The following ZFHX4 variants were observed in gnomAD, a reference collection of about 807,000 sequenced individuals.
The protein encoded by ZFHX4 is zinc finger homeobox protein 4.
ZFHX4 carries 56 observed loss-of-function variants against 267.6 expected under a neutral mutation model. That is an observed-to-expected ratio of 0.21 (90% CI 0.17 to 0.26). The LOEUF (loss-of-function observed/expected upper bound fraction) is 0.26, where lower values mean the gene tolerates loss of function less well. ZFHX4 is among the 10% of genes least tolerant of loss of function. ZFHX4 has a pLI of 1.00. For missense variants in ZFHX4, 4,332 were observed against 4,420.0 expected (o/e 0.98, Z 0.56); for synonymous variants, 1,778 against 1,665.6 (o/e 1.07, Z -1.64).
At chr8:76,746,452 A>G (rs1809462735) in intron 3 of ZFHX4, among the ~76,000 whole-genome samples, 2 of 152,202 alleles carry the variant, frequency 1.3e-5, no homozygotes, top group Non-Finnish European at 2.9e-5. Context: ...TTTTGGTTTT[A>G]TGACAGAAAT....
chr8:76,694,638 CT>C (rs545964479), intron 1 of ZFHX4, among the ~76,000 whole-genome samples: 3,387 of 146,442 alleles, frequency 0.023, 154 homozygotes, highest in East Asian at 0.21. Context: ...TAATGTTAGT[CT>C]TTTTTTTTTC....
intron 4 of ZFHX4, among the ~76,000 whole-genome samples, chr8:76,817,362 C>G (rs1270370708): frequency 2.0e-5 from 3 of 152,040 alleles, no homozygotes; most frequent in Non-Finnish European, 4.4e-5. Flanking sequence ...TGATATTGAT[C>G]CTTTGAAGAT....
In ZFHX4 at chr8:76,819,106, T is replaced by G. The variant is rs537052667; in HGVS notation, c.3326-14232T>G. Among the ~76,000 whole-genome samples, 7 of 149,738 alleles carry G rather than the reference T, an allele frequency of 4.7e-5. No homozygotes were observed. In the South Asian group the frequency reaches 1.5e-3, roughly 32 times the overall value. Reference sequence around the variant, plus strand: ...TTTCAGACAAAATGCTTTAAACTAGTGTGGGAAGGGGAGGGGAAGTAATGT... The same window carrying G: ...TTTCAGACAAAATGCTTTAAACTAGGGTGGGAAGGGGAGGGGAAGTAATGT... On this transcript the variant is annotated intron_variant, in intron 4 of 10. Transcript: ENST00000651372.
At chr8:76,691,816 C>T (rs756348346) in intron 1 of ZFHX4, among the ~76,000 whole-genome samples, 7 of 151,968 alleles carry the variant, frequency 4.6e-5, no homozygotes, top group African/African-American at 7.2e-5. Context: ...ATAACTGATC[C>T]GTATGTTCCT....
At chr8:76,712,332 G>A (rs1585872620) in intron 3 of ZFHX4, among the ~76,000 whole-genome samples, 1 of 152,052 alleles carries the variant, frequency 6.6e-6, no homozygotes, top group South Asian at 2.1e-4. Context: ...GAGGCATATT[G>A]GGAACAGTAT....
chr8:76,717,532 G>T (rs1808608811), intron 3 of ZFHX4, among the ~76,000 whole-genome samples: 1 of 152,206 alleles, frequency 6.6e-6, no homozygotes, highest in South Asian at 2.1e-4. Context: ...TAACAGAATT[G>T]TTAACAGCAT....
At chr8:76,821,480 C>T (rs1448476338) in intron 4 of ZFHX4, among the ~76,000 whole-genome samples, 5 of 151,716 alleles carry the variant, frequency 3.3e-5, no homozygotes, top group East Asian at 1.9e-4. Flanking sequence ...GGCCTAACTA[C>T]GATAGCTAGC....
Position 76,681,670 on chromosome 8 carries a change from C to A in ZFHX4, c.-47+50C>A, listed in dbSNP as rs371610224. On this transcript the variant is annotated intron_variant, in intron 1 of 10. Transcript: ENST00000651372. ...TGAGTAGTTTCTGTTAAATTTAGGT[C>A]GAGTATCGATTATCTTTCCAGCCTG... 2.3e-4 allele frequency: 87 copies of A among 384,832 alleles called. No individual in the cohort carries two copies. The East Asian group carries it at 2.8e-3, about 12-fold the overall frequency. 23.8% of individuals were successfully genotyped at this position (384,832 alleles called of 1,614,324 possible). A position where few individuals can be genotyped will look rare whatever the true frequency, so the allele number is the denominator to read the frequency against.
intron 4 of ZFHX4, among the ~76,000 whole-genome samples, chr8:76,794,680 C>T (rs975288164): frequency 6.6e-5 from 10 of 151,992 alleles, no homozygotes; most frequent in African/African-American, 2.4e-4. Context: ...CTTTTTAGAA[C>T]CAAATTTCTA....
At chr8:76,719,149 CATGTGTGTGTGT>C in intron 3 of ZFHX4, among the ~76,000 whole-genome samples, 1 of 112,184 alleles carries the variant, frequency 8.9e-6, no homozygotes, top group Middle Eastern at 4.4e-3. Flanking sequence ...GGATGAATTG[CATGTGTGTGTGT>C]GTGTGTGTGT....
At position 76,853,753 on chromosome 8, in the gene ZFHX4, C is replaced by T; in HGVS notation, c.6832C>T (p.Arg2278Cys). Residue 2278 changes from arginine (R) to cysteine (C), a missense_variant, in exon 10 of 11, where the codon CGT becomes TGT. Coordinates refer to ENST00000651372, the MANE Select transcript of ZFHX4 (RefSeq NM_024721.5). Reference sequence around the variant, plus strand: ...TATTGTTGTATGGTTCCAGAATGCTCGTCAGAAAGCACGAAAGAGTTATGA... The same window carrying T: ...TATTGTTGTATGGTTCCAGAATGCTTGTCAGAAAGCACGAAAGAGTTATGA... ...RVIVVWFQNARQKARKSYENQ... is the reference protein window; with the variant it reads ...RVIVVWFQNACQKARKSYENQ... The T allele has an allele frequency of 1.2e-6, 2 of 1,613,426 alleles. No individual in the cohort carries two copies. Among genetic ancestry groups the T allele is most frequent in the Non-Finnish European group, 1.7e-6 (2 of 1,179,746 alleles).
At chr8:76,715,419 T>C (rs952915318) in intron 3 of ZFHX4, among the ~76,000 whole-genome samples, 4 of 141,826 alleles carry the variant, frequency 2.8e-5, no homozygotes, top group African/African-American at 1.1e-4. Flanking sequence ...GAGGTGGAGG[T>C]TGCAGTGAGC....
At position 76,857,555 on chromosome 8, in the gene ZFHX4, C is replaced by T. The variant is rs192256368; in HGVS notation, c.9379+1255C>T. Among the ~76,000 whole-genome samples the T allele has an allele frequency of 4.6e-5, 7 of 152,050 alleles. No homozygotes were observed. In the East Asian group the frequency reaches 1.2e-3, roughly 25 times the overall value. On this transcript the variant is annotated intron_variant, in intron 10 of 10. Transcript: ENST00000651372. ...TGGGAGGTGTGAAAACAATGACATCCTATGGCCCCTCAGCCACCGCTAGCT... is the reference window on the plus strand; with the variant it reads ...TGGGAGGTGTGAAAACAATGACATCTTATGGCCCCTCAGCCACCGCTAGCT...
chr8:76,858,782 T>A (rs570717502), intron 10 of ZFHX4, among the ~76,000 whole-genome samples: 122 of 152,326 alleles, frequency 8.0e-4, no homozygotes, highest in Middle Eastern at 6.8e-3. Context: ...AAGAACATTA[T>A]AAGTAAAATA....
chr8:76,783,218 G>A (rs185504505), intron 4 of ZFHX4, among the ~76,000 whole-genome samples: 1 of 152,126 alleles, frequency 6.6e-6, no homozygotes, highest in East Asian at 1.9e-4. Context: ...TCCACAGAGT[G>A]CTGGAAAAGG....
At chr8:76,752,692 C>T (rs956240994) in intron 3 of ZFHX4, among the ~76,000 whole-genome samples, 2 of 151,370 alleles carry the variant, frequency 1.3e-5, no homozygotes, top group African/African-American at 4.8e-5. Context: ...CAAAACAATA[C>T]AAAAAACAAA....
intron 3 of ZFHX4, among the ~76,000 whole-genome samples, chr8:76,775,397 C>T (rs1274659829): frequency 6.6e-6 from 1 of 152,160 alleles, no homozygotes; most frequent in Non-Finnish European, 1.5e-5. Context: ...CAGTGGAGTT[C>T]TCTTTACAGA....
At chr8:76,856,484 C>A in intron 10 of ZFHX4, 184 bp downstream of exon 10, 1 of 688,224 alleles carries the variant, frequency 1.5e-6, no homozygotes, top group Non-Finnish European at 2.5e-6. Flanking sequence ...ACCTGAAACA[C>A]ACACAGAAAA....
In ZFHX4 at chr8:76,849,639, A is replaced by G. The variant is rs759736323; in HGVS notation, c.3773A>G (p.Lys1258Arg). 157 of 1,613,838 alleles carry G rather than the reference A, an allele frequency of 9.7e-5. No homozygotes were observed. The highest frequency in any genetic ancestry group is 1.3e-4 in the Non-Finnish European group (154 of 1,179,870). ...CTCTGTCAGGACGTCCTCAGCAACA[A>G]AATGCATCTCCAACTGCATCTGACG... ...CPLCQDVLSN[K>R]MHLQLHLTHL... Residue 1258 changes from lysine (K) to arginine (R), a missense_variant, in exon 8 of 11, where the codon AAA (lysine) becomes AGA (arginine). By Grantham distance (26) the Lys-to-Arg change is conservative (BLOSUM62 2). Around this residue, in one of 7 missense-constraint regions of ZFHX4, gnomAD observed 1,371 missense variants for 1,423.1 expected, o/e 0.96. Transcript: ENST00000651372.
Sources: allele counts gnomAD v4.1 joint callset (sites outside exome capture counted in the v4.1 genomes callset), GRCh38; gene constraint gnomAD v4.1.1; regional missense constraint gnomAD v4.1.1; transcripts MANE v1.5; gene names NCBI Gene and HGNC (gene_info 2026-07-23, HGNC 2026-07-21).